Variants in MANSC4 observed in about 807,000 individuals in gnomAD.
MANSC4 encodes the protein MANSC domain-containing protein 4.
A neutral mutation model predicts 11.4 loss-of-function variants in MANSC4; 11 were observed. The ratio of observed to expected loss-of-function variants is 0.97; its 90% confidence interval spans 0.61 to 1.60. The LOEUF is 1.60. Among genes scored for constraint, MANSC4 ranks in the 40% most tolerant of loss-of-function variants. The probability of loss-of-function intolerance (pLI) is 0.00; values close to 1 mark genes in which losing one functional copy is unlikely to be tolerated. For missense variants in MANSC4, 354 were observed against 404.6 expected (o/e 0.88, Z 1.07); for synonymous variants, 123 against 147.1 (o/e 0.84, Z 1.19).
At position 27,762,970 on chromosome 12, in the gene MANSC4, C is replaced by T. The variant is rs1441323931; in HGVS notation, c.791G>A (p.Gly264Glu). The stretch of plus-strand genomic sequence containing the variant: ...AGATGTGTGGTTTCTGCTATTGTAT[C>T]CTTTGGTTTTGTTTAGTAATTGTTT... ...SSKQLLNKTK[G>E]YNSRNHTSAN... The change falls in exon 4 of 4, where the codon GGA (glycine) becomes GAA (glutamate). Residue 264 changes from glycine (G) to glutamate (E), a missense_variant. Coordinates refer to ENST00000381273, the MANE Select transcript of MANSC4 (RefSeq NM_001146221.5). 6.4e-7 allele frequency: 1 copy of T among 1,551,746 alleles called. No individual in the cohort carries two copies. Among genetic ancestry groups the T allele is most frequent in the Admixed American group, 2.0e-5 (1 of 50,946 alleles).
chr12:27,768,235 T>TAA (rs71039844), intron 2 of MANSC4, among the ~76,000 whole-genome samples: 24,004 of 147,374 alleles, frequency 0.16, 2,425 homozygotes, highest in Non-Finnish European at 0.23. Context: ...TCGTCTCTAC[T>TAA]AAAAAAAAAA....
chr12:27,765,559 TC>T (rs1301226680), intron 3 of MANSC4, among the ~76,000 whole-genome samples: 6 of 152,208 alleles, frequency 3.9e-5, no homozygotes, highest in Non-Finnish European at 5.9e-5. Flanking sequence ...CCTGCCTTCT[TC>T]CATGAACCTC....
chr12:27,767,563 C>T (rs1278398886), intron 2 of MANSC4, among the ~76,000 whole-genome samples: 3 of 152,062 alleles, frequency 2.0e-5, no homozygotes, highest in African/African-American at 7.2e-5. Flanking sequence ...ATTAGCCAGG[C>T]GTGGTGGCGC....
In MANSC4 at chr12:27,771,066, A is replaced by G. The variant is rs1219053232; in HGVS notation, c.211T>C (p.Cys71Arg). The change falls in exon 2 of 4, where the codon TGC becomes CGC. Residue 71 changes from cysteine (C) to arginine (R), a missense_variant. Physicochemically the swap from Cys to Arg is radical, Grantham distance 180. Transcript: ENST00000381273. ...ESTGQKCSRS[C>R]CLRKDVSCNL... The stretch of plus-strand genomic sequence containing the variant: ...TACTTACCATCCTTCCGAAGACAGC[A>G]GCTCCTACTGCACTTCTGGCCAGTG... The G allele has an allele frequency of 6.4e-7, 1 of 1,551,206 alleles. No homozygotes were observed. Among genetic ancestry groups the G allele is most frequent in the Non-Finnish European group, 8.7e-7 (1 of 1,146,826 alleles).
At chr12:27,768,415 AAAAAAAAGAAAAAG>A (rs1302752678) in intron 2 of MANSC4, among the ~76,000 whole-genome samples, 12,372 of 135,058 alleles carry the variant, frequency 0.092, 407 homozygotes, top group Non-Finnish European at 0.14. Context: ...AAAAAAAAAA[AAAAAAAAGAAAAAG>A]AAAAAGAAAA....
intron 1 of MANSC4, among the ~76,000 whole-genome samples, chr12:27,779,217 T>A (rs1591811901): frequency 6.6e-6 from 1 of 151,630 alleles, no homozygotes; most frequent in Non-Finnish European, 1.5e-5. Flanking sequence ...GGGGGCAGGG[T>A]AGGTGGAGAA....
chr12:27,771,786 T>C (rs2062101909), intron 1 of MANSC4, among the ~76,000 whole-genome samples: 1 of 152,214 alleles, frequency 6.6e-6, no homozygotes, highest in African/African-American at 2.4e-5. Context: ...CAGATTGTTT[T>C]TTAAAAAATC....
chr12:27,775,340 G>C lies in MANSC4; in HGVS notation c.-306-3758C>G, dbSNP rs539399004. ...ACCTATAATCCCAACACTTTCTAAG[G>C]TCGAAGAGGGAGAATTGCTTTGAGC... On this transcript the variant is annotated intron_variant, in intron 1 of 3. Coordinates refer to ENST00000381273, the MANE Select transcript of MANSC4 (RefSeq NM_001146221.5). Among the ~76,000 whole-genome samples, 5 of 152,210 alleles carry C rather than the reference G, an allele frequency of 3.3e-5. No individual in the cohort carries two copies. In the East Asian group the frequency reaches 9.7e-4, roughly 29 times the overall value.
At chr12:27,764,979 C>G (rs1378867687) in intron 3 of MANSC4, among the ~76,000 whole-genome samples, 1 of 151,670 alleles carries the variant, frequency 6.6e-6, no homozygotes, top group Non-Finnish European at 1.5e-5. Flanking sequence ...CTGGGACCAA[C>G]CACAGGCACA....
chr12:27,762,709 G>A lies in MANSC4; in HGVS notation c.*29C>T. 6.9e-7 allele frequency: 1 copy of A among 1,454,016 alleles called. No homozygotes were observed. Among genetic ancestry groups the A allele is most frequent in the South Asian group, 1.4e-5 (1 of 69,058 alleles). The allele number at this position is 1,454,016 out of a possible 1,614,324, so 90.1% of individuals were successfully genotyped here. On this transcript the variant is annotated 3_prime_UTR_variant, in exon 4 of 4. Transcript: ENST00000381273. ...ACACAAAACTAAAAATGATATCCTT[G>A]AAAGCATATAATCTTGCTACAGTTT... is the stretch of plus-strand genomic sequence containing the variant.
At chr12:27,770,222 C>G (rs2062094540) in intron 2 of MANSC4, among the ~76,000 whole-genome samples, 1 of 151,962 alleles carries the variant, frequency 6.6e-6, no homozygotes, top group South Asian at 2.1e-4. Context: ...ACTCTGTTGC[C>G]CAGGCTTGAG....
intron 1 of MANSC4, among the ~76,000 whole-genome samples, chr12:27,773,907 G>T (rs956551569): frequency 2.0e-5 from 3 of 152,150 alleles, no homozygotes; most frequent in Non-Finnish European, 4.4e-5. Flanking sequence ...CAGCACTTTG[G>T]GAGGCTGAGA....
intron 2 of MANSC4, among the ~76,000 whole-genome samples, chr12:27,770,373 G>A (rs761475766): frequency 3.4e-4 from 51 of 152,056 alleles, no homozygotes; most frequent in Non-Finnish European, 6.5e-4. Flanking sequence ...TAGAGAGGGG[G>A]TTTCACCATG....
At chr12:27,769,540 G>A (rs941396378) in intron 2 of MANSC4, among the ~76,000 whole-genome samples, 1 of 152,182 alleles carries the variant, frequency 6.6e-6, no homozygotes, top group Non-Finnish European at 1.5e-5. Flanking sequence ...TTCATGCTAC[G>A]GGAAAATTCA....
chr12:27,774,925 G>C (rs1018148444), intron 1 of MANSC4, among the ~76,000 whole-genome samples: 2 of 152,164 alleles, frequency 1.3e-5, no homozygotes, highest in African/African-American at 4.8e-5. Context: ...TCGGGAGGCT[G>C]AGGCAGGAGA....
At chr12:27,777,007 C>T (rs1591811334) in intron 1 of MANSC4, among the ~76,000 whole-genome samples, 1 of 152,250 alleles carries the variant, frequency 6.6e-6, no homozygotes, top group East Asian at 1.9e-4. Flanking sequence ...AGAAAACTTA[C>T]TGCATAATTT....
chr12:27,778,313 T>C (rs1238731582), intron 1 of MANSC4, among the ~76,000 whole-genome samples: 1 of 151,704 alleles, frequency 6.6e-6, no homozygotes, highest in Non-Finnish European at 1.5e-5. Context: ...AAGTAAAAGA[T>C]GACAACAACA....
At chr12:27,779,765 A>G (rs906895699) in intron 1 of MANSC4, 1 of 152,298 alleles carries the variant, frequency 6.6e-6, no homozygotes, top group African/African-American at 2.4e-5. Flanking sequence ...TGGGAGAGAA[A>G]ACGAATTTCT....
intron 1 of MANSC4, among the ~76,000 whole-genome samples, chr12:27,778,699 T>G (rs2062129377): frequency 6.6e-6 from 1 of 152,224 alleles, no homozygotes; most frequent in East Asian, 1.9e-4. Flanking sequence ...ACACACCCTC[T>G]GCTTCCTCCC....
Sources: allele counts gnomAD v4.1 joint callset (sites outside exome capture counted in the v4.1 genomes callset), GRCh38; gene constraint gnomAD v4.1.1; transcripts MANE v1.5; gene names NCBI Gene and HGNC (gene_info 2026-07-23, HGNC 2026-07-21).